NAALADL2: variants seen among roughly 807,000 people sequenced by gnomAD.
The protein encoded by NAALADL2 is inactive N-acetylated-alpha-linked acidic dipeptidase-like protein 2.
NAALADL2 carries 76 observed loss-of-function variants against 87.2 expected under a neutral mutation model. That is an observed-to-expected ratio of 0.87 (90% CI 0.72 to 1.05). The LOEUF (loss-of-function observed/expected upper bound fraction) is 1.05. Among genes scored for constraint, NAALADL2 ranks in the 50% least tolerant of loss-of-function variants. The pLI, the probability that NAALADL2 is intolerant of heterozygous loss-of-function variation, is 0.00. For missense variants in NAALADL2, 1,089 were observed against 945.8 expected, an observed-to-expected ratio of 1.15 and a Z score of -1.99; for synonymous variants, 354 against 331.0, an observed-to-expected ratio of 1.07 and a Z score of -0.75.
At chr3:175,616,017 T>C (rs1725306344) in intron 10 of NAALADL2, among the ~76,000 whole-genome samples, 2 of 147,412 alleles carry the variant, frequency 1.4e-5, no homozygotes, top group South Asian at 4.2e-4. Flanking sequence ...AATACATATT[T>C]ATATATTACA....
chr3:175,506,475 T>A (rs185068097), intron 9 of NAALADL2, among the ~76,000 whole-genome samples: 2 of 152,370 alleles, frequency 1.3e-5, no homozygotes. Context: ...TAAAATATGT[T>A]ATCTACCTTT....
intron 3 of NAALADL2, among the ~76,000 whole-genome samples, chr3:174,775,855 C>A (rs1470147133): frequency 1.3e-5 from 2 of 152,138 alleles, no homozygotes; most frequent in Non-Finnish European, 2.9e-5. Flanking sequence ...ACATTCCTTG[C>A]AGCTGGACAC....
chr3:174,921,452 T>A (rs1028893299), intron 1 of NAALADL2, among the ~76,000 whole-genome samples: 5 of 152,134 alleles, frequency 3.3e-5, no homozygotes, highest in African/African-American at 9.7e-5. Flanking sequence ...TATAAAAATA[T>A]TCAAATGTGA....
At chr3:175,475,201 G>A (rs1202480208) in intron 9 of NAALADL2, among the ~76,000 whole-genome samples, 2 of 151,914 alleles carry the variant, frequency 1.3e-5, no homozygotes, top group African/African-American at 2.4e-5. Context: ...CTAATTTCTT[G>A]GGGGGATAAA....
At position 174,699,837 on chromosome 3, in the gene NAALADL2, C is replaced by CTTT. The variant is rs35197419; in HGVS notation, c.-114-37790_-114-37788dup. On this transcript the variant is annotated intron_variant, in intron 2 of 3. Transcript: ENST00000434257. ...CATTTAAGGCCCTCATTTTAAGATG[C>CTTT]TTTTTTTTTTTTTTTTGAGAAGATT... Among the ~76,000 whole-genome samples, 605 of 124,986 alleles carry CTTT rather than the reference C, an allele frequency of 4.8e-3. 12 individuals carry two copies. The highest frequency in any genetic ancestry group is 6.9e-3 in the African/African-American group (231 of 33,388). The allele number at this position is 124,986 out of a possible 152,430, so 82.0% of individuals were successfully genotyped here. A position where few individuals can be genotyped will look rare whatever the true frequency, so the allele number is the denominator to read the frequency against.
At chr3:174,936,285 T>G (rs1254682052) in intron 1 of NAALADL2, among the ~76,000 whole-genome samples, 1 of 152,092 alleles carries the variant, frequency 6.6e-6, no homozygotes, top group Non-Finnish European at 1.5e-5. Flanking sequence ...TCAGGGGAAT[T>G]TAAAGTATTA....
intron 12 of NAALADL2, among the ~76,000 whole-genome samples, chr3:175,745,952 C>T (rs1052869364): frequency 5.9e-5 from 9 of 152,210 alleles, no homozygotes; most frequent in Admixed American, 1.3e-4. Context: ...ATCGTAAAGA[C>T]TTCATATGAC....
chr3:174,515,779 C>A (rs1003025904), intron 1 of NAALADL2, among the ~76,000 whole-genome samples: 1 of 151,404 alleles, frequency 6.6e-6, no homozygotes, highest in Non-Finnish European at 1.5e-5. Flanking sequence ...ACATTATTGA[C>A]AACAGTGATT....
intron 3 of NAALADL2, among the ~76,000 whole-genome samples, chr3:174,845,766 C>T (rs1724553882): frequency 6.6e-6 from 1 of 152,078 alleles, no homozygotes; most frequent in Admixed American, 6.5e-5. Context: ...GATAGGGTAC[C>T]TCATGGTTTC....
At chr3:175,134,680 G>A (rs2108670143) in intron 2 of NAALADL2, among the ~76,000 whole-genome samples, 1 of 150,850 alleles carries the variant, frequency 6.6e-6, no homozygotes, top group East Asian at 1.9e-4. Flanking sequence ...GGGTGAGGGT[G>A]GAACAATAAG....
At chr3:175,623,312 TAAATGTAAA>T (rs1726498478) in intron 10 of NAALADL2, among the ~76,000 whole-genome samples, 1 of 11,582 alleles carries the variant, frequency 8.6e-5, no homozygotes, top group Non-Finnish European at 3.1e-4. Flanking sequence ...GGTTCTTTTA[TAAATGTAAA>T]ATACTTCCAT....
intron 1 of NAALADL2, among the ~76,000 whole-genome samples, chr3:174,992,112 A>G (rs1746829906): frequency 6.6e-6 from 1 of 152,070 alleles, no homozygotes; most frequent in South Asian, 2.1e-4. Flanking sequence ...AGGTTTAACA[A>G]AATACACAGG....
chr3:175,648,496 T>C (rs1458849477), intron 11 of NAALADL2, among the ~76,000 whole-genome samples: 1 of 151,152 alleles, frequency 6.6e-6, no homozygotes, highest in Non-Finnish European at 1.5e-5. Flanking sequence ...AATTTTCTTT[T>C]TTTTTTTTTT....
rs1388085848 is a variant in NAALADL2, at chr3:175,558,201, A to G, written c.1654-17840A>G. On this transcript the variant is annotated intron_variant, in intron 9 of 13. Transcript: ENST00000454872. ...CACAGCAAGACCCCGTCTCAAAAAA[A>G]AAAAAAAAAAAAAAAAGAAAGAAAG... Among the ~76,000 whole-genome samples, 6 of 112,728 alleles carry G rather than the reference A, an allele frequency of 5.3e-5. No individual in the cohort carries two copies. The East Asian group carries it at 1.2e-3, about 22-fold the overall frequency. The allele number at this position is 112,728 out of a possible 152,430, so 74.0% of individuals were successfully genotyped here. A position where few individuals can be genotyped will look rare whatever the true frequency, so the allele number is the denominator to read the frequency against.
intron 11 of NAALADL2, among the ~76,000 whole-genome samples, chr3:175,736,075 T>A (rs986705210): frequency 1.3e-5 from 2 of 152,076 alleles, no homozygotes; most frequent in African/African-American, 4.8e-5. Context: ...TAAATATCAC[T>A]TATGAGAGAG....
At position 174,969,168 on chromosome 3, in the gene NAALADL2, ACTT is replaced by A. The variant is rs1300593757; in HGVS notation, c.43+109720_43+109722del. 2.0e-5 allele frequency among the ~76,000 whole-genome samples: 3 copies of A among 152,244 alleles called. No homozygotes were observed. In the East Asian group the frequency reaches 5.8e-4, roughly 30 times the overall value. Reference sequence around the variant, plus strand: ...TCTTTGAATTTATATCCAGTGGTGAACTTCATTTTATTTCCCAGAGACCTAGTT... The same window carrying A: ...TCTTTGAATTTATATCCAGTGGTGAACATTTTATTTCCCAGAGACCTAGTT... On this transcript the variant is annotated intron_variant, in intron 1 of 13. Coordinates refer to ENST00000454872, the MANE Select transcript of NAALADL2 (RefSeq NM_207015.3).
At chr3:175,370,372 A>G (rs748398475) in intron 5 of NAALADL2, among the ~76,000 whole-genome samples, 3 of 152,194 alleles carry the variant, frequency 2.0e-5, no homozygotes, top group Admixed American at 6.5e-5. Flanking sequence ...TTATTTTATA[A>G]AATATATTTG....
intron 2 of NAALADL2, among the ~76,000 whole-genome samples, chr3:174,664,414 C>A (rs1725780653): frequency 6.6e-6 from 1 of 152,144 alleles, no homozygotes; most frequent in African/African-American, 2.4e-5. Context: ...AAATCATGAA[C>A]TATGAGAATC....
intron 5 of NAALADL2, among the ~76,000 whole-genome samples, chr3:175,425,214 G>A (rs958926494): frequency 2.4e-4 from 37 of 152,062 alleles, no homozygotes; most frequent in African/African-American, 8.7e-4. Context: ...GAGAAGTGAA[G>A]CAGGAAAATA....
Sources: allele counts gnomAD v4.1 joint callset (sites outside exome capture counted in the v4.1 genomes callset), GRCh38; gene constraint gnomAD v4.1.1; transcripts MANE v1.5; gene names NCBI Gene and HGNC (gene_info 2026-07-23, HGNC 2026-07-21).